Variants in NOTCH1 observed in about 807,000 individuals in gnomAD.
NOTCH1 encodes the protein neurogenic locus notch homolog protein 1.
In NOTCH1, 37 loss-of-function variants were observed where a neutral mutation model predicts 254.8. That is an observed-to-expected ratio of 0.15 (90% confidence interval 0.11 to 0.19). The LOEUF (loss-of-function observed/expected upper bound fraction) is 0.19, where lower values mean the gene tolerates loss of function less well. Ranked by LOEUF, NOTCH1 falls within the 10% of genes least tolerant of loss-of-function variation. The pLI is 1.00. For synonymous variants in NOTCH1, 1,731 were observed against 1,618.1 expected, an observed-to-expected ratio of 1.07 and a Z score of -1.68; for missense variants, 2,972 against 3,708.6, an observed-to-expected ratio of 0.80 and a Z score of 5.16.
chr9:136,544,341 G>A (rs1030896433), intron 1 of NOTCH1, among the ~76,000 whole-genome samples: 1 of 152,216 alleles, frequency 6.6e-6, no homozygotes, highest in Non-Finnish European at 1.5e-5. Context: ...TGGGGGGAAG[G>A]GGAGCAGCAG....
intron 2 of NOTCH1, among the ~76,000 whole-genome samples, chr9:136,535,775 GGGT>G: frequency 9.4e-6 from 1 of 106,902 alleles, no homozygotes; most frequent in Non-Finnish European, 1.9e-5. Context: ...AGTGCAGGGT[GGGT>G]GGAGAGGGGA....
rs1026716441 is a variant in NOTCH1, at chr9:136,544,222, G to A, written c.62-120C>T. 5.7e-5 allele frequency: 52 copies of A among 906,250 alleles called. 1 individual carries two copies. Among genetic ancestry groups the A allele is most frequent in the Middle Eastern group, 6.3e-4 (2 of 3,160 alleles). The allele number at this position is 906,250 out of a possible 1,614,324, so 56.1% of individuals were successfully genotyped here. A position where few individuals can be genotyped will look rare whatever the true frequency, so the allele number is the denominator to read the frequency against. ...AGGGGCATCGTCCGCCCCCTACCCCGGACGCACTCTGCTCAGTATCATGGG... is the reference window on the plus strand; with the variant it reads ...AGGGGCATCGTCCGCCCCCTACCCCAGACGCACTCTGCTCAGTATCATGGG... On this transcript the variant is annotated intron_variant, in intron 1 of 33. Transcript: ENST00000651671.
chr9:136,511,727 T>C (rs1843184748), intron 15 of NOTCH1, among the ~76,000 whole-genome samples: 1 of 152,202 alleles, frequency 6.6e-6, no homozygotes, highest in Non-Finnish European at 1.5e-5. Context: ...TGGGGCTCCG[T>C]GTCACAGGCA....
intron 33 of NOTCH1, among the ~76,000 whole-genome samples, chr9:136,498,170 G>A (rs536668212): frequency 4.9e-4 from 75 of 151,854 alleles, no homozygotes; most frequent in Admixed American, 1.6e-3. Flanking sequence ...GCCCAGGCCC[G>A]CTGTGTGCCC....
At chr9:136,528,310 C>T (rs1406752616) in intron 2 of NOTCH1, among the ~76,000 whole-genome samples, 2 of 125,628 alleles carry the variant, frequency 1.6e-5, no homozygotes, top group Non-Finnish European at 3.3e-5. Flanking sequence ...GCCACAGGAA[C>T]CAGAGACCCT....
In NOTCH1 at chr9:136,499,274, G is replaced by A. The variant is rs1467147229; in HGVS notation, c.5935-15C>T. ...CGGATCAGGATCTGGGCAACAGGGA[G>A]AGGCTCAGGCGGGTGCTGGGCAGAC... On this transcript the variant is annotated splice_polypyrimidine_tract_variant and intron_variant, in intron 31 of 33. Transcript: ENST00000651671. 1 of 1,611,858 alleles carries A rather than the reference G, an allele frequency of 6.2e-7. No homozygotes were observed. Among genetic ancestry groups the A allele is most frequent in the Non-Finnish European group, 8.5e-7 (1 of 1,179,962 alleles).
At chr9:136,508,707 G>T (rs543294494) in intron 19 of NOTCH1, among the ~76,000 whole-genome samples, 163 bp downstream of exon 19, 1 of 152,372 alleles carries the variant, frequency 6.6e-6, no homozygotes, top group African/African-American at 2.4e-5. Flanking sequence ...TCCGCATCAG[G>T]TTCCTTCACC....
At chr9:136,541,502 C>G (rs559488827) in intron 2 of NOTCH1, among the ~76,000 whole-genome samples, 25 of 152,206 alleles carry the variant, frequency 1.6e-4, no homozygotes, top group Non-Finnish European at 2.6e-4. Context: ...GCTGGCAGGG[C>G]TCCAAGAGCC....
rs1336966687 is a variant in NOTCH1 at position 136,505,831 on chromosome 9, C to T, written c.4065G>A (p.Leu1355=). The part of the protein sequence containing the change: ...CENDARTCGS[L]RCLNGGTCIS... ...TGCATGTGCCGCCGTTGAGGCAGCG[C>T]AGGCTGCCGCAGGTACGAGCGTCAT... Residue 1355 remains leucine (L), a synonymous_variant, in exon 25 of 34, where the codon CTG becomes CTA. Transcript: ENST00000651671. 6.3e-7 allele frequency: 1 copy of T among 1,592,846 alleles called. No homozygotes were observed. Among genetic ancestry groups the T allele is most frequent in the Non-Finnish European group, 8.5e-7 (1 of 1,175,988 alleles).
chr9:136,508,975 G>A lies in NOTCH1; in HGVS notation c.3066C>T (p.Val1022=), dbSNP rs1056129279. 2.6e-6 allele frequency: 4 copies of A among 1,556,658 alleles called. No individual in the cohort carries two copies. Among genetic ancestry groups the A allele is most frequent in the African/African-American group, 1.4e-5 (1 of 73,516 alleles). ...GFTGSYCQHD[V]NECDSQPCLH... is the part of the protein sequence containing the mutation. ...GGCAGGGCTGTGAGTCGCACTCATT[G>A]ACATCGTGCTGGCAGTAGCTGCCCG... The change falls in exon 19 of 34, where the codon GTC becomes GTT. Residue 1022 remains valine (V), a synonymous_variant. Coordinates refer to ENST00000651671, the MANE Select transcript of NOTCH1 (RefSeq NM_017617.5).
chr9:136,513,187 C>T lies in NOTCH1; in HGVS notation c.2354-53G>A. ...TGTCCAGCACTCCCAGGCACCTTGG[C>T]AGGGCCCCACAACAGCAGCCCTGGG... On this transcript the variant is annotated intron_variant, in intron 14 of 33. Transcript: ENST00000651671. The surrounding 1 kb of genome is among the most constrained non-coding windows in gnomAD (Gnocchi z 4.7). 6.6e-7 allele frequency: 1 copy of T among 1,519,990 alleles called. No homozygotes were observed. The highest frequency in any genetic ancestry group is 9.1e-7 in the Non-Finnish European group (1 of 1,096,070). 94.2% of individuals were successfully genotyped at this position (1,519,990 alleles called of 1,614,324 possible). A position where few individuals can be genotyped will look rare whatever the true frequency, so the allele number is the denominator to read the frequency against.
chr9:136,499,879 ACATTT>A (rs1842970479), intron 31 of NOTCH1, among the ~76,000 whole-genome samples: 1 of 152,194 alleles, frequency 6.6e-6, no homozygotes, highest in Non-Finnish European at 1.5e-5. Flanking sequence ...CTGCTCACCT[ACATTT>A]ATTTCTGCGA....
chr9:136,497,658 C>T (rs1022396010), intron 33 of NOTCH1, 100 bp from the exon 34 acceptor site: 114 of 1,029,218 alleles, frequency 1.1e-4, no homozygotes, highest in Non-Finnish European at 1.5e-4. Flanking sequence ...CAACCTCCTC[C>T]GCGGGGTGGG....
intron 33 of NOTCH1, among the ~76,000 whole-genome samples, chr9:136,498,451 A>G (rs1367412669): frequency 1.3e-5 from 2 of 152,140 alleles, no homozygotes; most frequent in African/African-American, 4.8e-5. Context: ...CCCGCCCCGC[A>G]GGGAGCTGCC....
chr9:136,510,866 A>G (rs924937774), intron 16 of NOTCH1, 61 bp from the exon 17 acceptor site: 12 of 1,596,202 alleles, frequency 7.5e-6, no homozygotes, highest in East Asian at 2.2e-5. Flanking sequence ...GGCCCTTCCC[A>G]GGCTGGCCCA....
rs2133336558 is a variant in NOTCH1, at chr9:136,504,866, C to A, written c.4825G>T (p.Asp1609Tyr). The A allele has an allele frequency of 6.3e-7, 1 of 1,583,414 alleles. No homozygotes were observed. The highest frequency in any genetic ancestry group is 1.2e-5 in the South Asian group (1 of 86,868). ...AAGATCATCTGCTGGCCGTGTGCGT[C>A]ACGCTTGAAGACCACGTTGGTGTGC... ...VLHTNVVFKR[D>Y]AHGQQMIFPY... Residue 1609 changes from aspartate to tyrosine, a missense_variant, in exon 26 of 34, where the codon GAC (aspartate) becomes TAC (tyrosine). Physicochemically the swap from Asp to Tyr is radical, Grantham distance 160. Transcript: ENST00000651671.
Position 136,496,578 on chromosome 9 carries a change from T to A in NOTCH1, c.7161A>T (p.Pro2387=), listed in dbSNP as rs1413339098. The change falls in exon 34 of 34, where the codon CCA becomes CCT. Residue 2387 remains proline, a synonymous_variant. Coordinates refer to ENST00000651671, the MANE Select transcript of NOTCH1 (RefSeq NM_017617.5). ...TCTGCTGCTGCATCTGTAAGTTTTG[T>A]GGCTGCACCTGCTGGGTCTGCACCA... ...PHLVQTQQVQ[P]QNLQMQQQNL... The A allele has an allele frequency of 6.2e-7, 1 of 1,612,460 alleles. No homozygotes were observed. The highest frequency in any genetic ancestry group is 8.5e-7 in the Non-Finnish European group (1 of 1,179,976).
At chr9:136,524,060 G>A (rs1324342658) in intron 2 of NOTCH1, 81 bp from the exon 3 acceptor site, 1 of 1,511,968 alleles carries the variant, frequency 6.6e-7, no homozygotes, top group Non-Finnish European at 8.9e-7. Context: ...AACCTGTCAT[G>A]GGCACAGCCG....
At position 136,494,596 on chromosome 9, in the gene NOTCH1, C is replaced by T. The variant is rs138713877; in HGVS notation, c.*1475G>A. On this transcript the variant is annotated 3_prime_UTR_variant, in exon 34 of 34. Coordinates refer to ENST00000651671, the MANE Select transcript of NOTCH1 (RefSeq NM_017617.5). ...CACAGTAAAAATCAACATCTTGGGA[C>T]GCATCTGGTCATGCCCCCTGGGGAT... The T allele has an allele frequency of 4.8e-4, 192 of 398,988 alleles. No homozygotes were observed. Among genetic ancestry groups the T allele is most frequent in the African/African-American group, 3.3e-3 (162 of 48,754 alleles). The allele number at this position is 398,988 out of a possible 1,614,324, so 24.7% of individuals were successfully genotyped here.
Sources: gnomAD v4.1 joint callset for allele counts (sites outside exome capture counted in the v4.1 genomes callset) on GRCh38, gnomAD v4.1.1 for gene constraint, Gnocchi (gnomAD v3.1) non-coding constraint, MANE v1.5 for transcripts, NCBI Gene and HGNC (gene_info 2026-07-23, HGNC 2026-07-21) for gene names.